Variants in ESR1 observed in about 807,000 individuals in gnomAD.
ESR1 encodes estrogen receptor 1.
A neutral mutation model predicts 52.7 loss-of-function variants in ESR1; 12 were observed. That is an observed-to-expected ratio of 0.23 (90% CI 0.15 to 0.37). The LOEUF is 0.37. ESR1 is among the 10% of genes least tolerant of loss of function. The probability of loss-of-function intolerance (pLI) is 1.00; values close to 1 mark genes in which losing one functional copy is unlikely to be tolerated. For missense variants in ESR1, 584 were observed against 779.7 expected (o/e 0.75, Z 2.99); for synonymous variants, 305 against 316.8 (o/e 0.96, Z 0.39).
At chr6:151,920,726 G>A (rs557179958) in intron 3 of ESR1, among the ~76,000 whole-genome samples, 1 of 152,108 alleles carries the variant, frequency 6.6e-6, no homozygotes, top group African/African-American at 2.4e-5. Flanking sequence ...GTGTTTTGGG[G>A]AGGAAGACCA....
At chr6:151,776,921 G>A (rs574050143) in intron 2 of ESR1, among the ~76,000 whole-genome samples, 2 of 151,796 alleles carry the variant, frequency 1.3e-5, no homozygotes, top group African/African-American at 4.8e-5. Context: ...TTTATAGGGA[G>A]ATATACGTGA....
chr6:151,716,773 G>T (rs1039406278), intron 2 of ESR1, among the ~76,000 whole-genome samples: 4 of 152,182 alleles, frequency 2.6e-5, no homozygotes. Context: ...TGGGCTCTGT[G>T]GGGGTGGGAT....
intron 5 of ESR1, among the ~76,000 whole-genome samples, 177 bp downstream of exon 5, chr6:152,011,971 T>C (rs1275075548): frequency 6.6e-6 from 1 of 150,960 alleles, no homozygotes; most frequent in Non-Finnish European, 1.5e-5. Flanking sequence ...AAGCTAAGGA[T>C]AACTTTCTGC....
intron 1 of ESR1, among the ~76,000 whole-genome samples, chr6:151,819,776 G>C (rs934504474): frequency 6.6e-6 from 1 of 152,192 alleles, no homozygotes; most frequent in Non-Finnish European, 1.5e-5. Flanking sequence ...ACCATCCCCA[G>C]TTCCATCTGT....
chr6:151,764,351 G>T (rs960163108), intron 2 of ESR1, among the ~76,000 whole-genome samples: 2 of 152,128 alleles, frequency 1.3e-5, no homozygotes, highest in Admixed American at 6.5e-5. Flanking sequence ...GGGGAGATAG[G>T]ATTTTTATGT....
In ESR1 at chr6:151,917,946, CAT is replaced by C. The variant is rs757250487; in HGVS notation, c.761-26224_761-26223del. Among the ~76,000 whole-genome samples, 10 of 152,316 alleles carry C rather than the reference CAT, an allele frequency of 6.6e-5. No individual in the cohort carries two copies. The East Asian group carries it at 1.2e-3, about 18-fold the overall frequency. ...GAAGAATTAATTTGAAAAATAATAA[CAT>C]ATTTTAAAATGAATTGTAAATATAA... On this transcript the variant is annotated intron_variant, in intron 3 of 7. Transcript: ENST00000206249.
chr6:151,871,032 G>A (rs941130933), intron 2 of ESR1, among the ~76,000 whole-genome samples: 8 of 151,792 alleles, frequency 5.3e-5, no homozygotes, highest in Non-Finnish European at 1.0e-4. Context: ...AAAAACTTTT[G>A]TAGAGCTGGG....
chr6:151,710,318 G>T (rs937817465), intron 2 of ESR1, among the ~76,000 whole-genome samples: 2 of 151,326 alleles, frequency 1.3e-5, no homozygotes, highest in Non-Finnish European at 2.9e-5. Flanking sequence ...AAGATACGTG[G>T]ATTACATTTT....
chr6:151,716,546 A>G (rs1289751691), intron 2 of ESR1, among the ~76,000 whole-genome samples: 1 of 152,218 alleles, frequency 6.6e-6, no homozygotes, highest in Non-Finnish European at 1.5e-5. Context: ...GCAGGAATCT[A>G]GAGAGACAGT....
At chr6:151,900,852 G>C (rs1188440238) in intron 3 of ESR1, among the ~76,000 whole-genome samples, 1 of 152,238 alleles carries the variant, frequency 6.6e-6, no homozygotes, top group African/African-American at 2.4e-5. Flanking sequence ...GGTGGCAGGG[G>C]AGTGAAATGG....
chr6:151,767,331 G>A (rs1373958229), intron 2 of ESR1, among the ~76,000 whole-genome samples: 1 of 152,112 alleles, frequency 6.6e-6, no homozygotes, highest in Admixed American at 6.5e-5. Context: ...TTTCTCTCAT[G>A]CAAATTCTAT....
chr6:151,969,235 C>A (rs1156873467), intron 4 of ESR1, among the ~76,000 whole-genome samples: 1 of 152,058 alleles, frequency 6.6e-6, no homozygotes, highest in East Asian at 1.9e-4. Flanking sequence ...TGTTTCCTAC[C>A]ATTGGTTTAT....
intron 4 of ESR1, among the ~76,000 whole-genome samples, chr6:151,980,177 T>C (rs565107758): frequency 6.6e-6 from 1 of 152,350 alleles, no homozygotes; most frequent in South Asian, 2.1e-4. Context: ...TGTTGCTTGC[T>C]AATTTTACCA....
chr6:151,665,959 C>T (rs1777808251), intron 1 of ESR1, among the ~76,000 whole-genome samples: 1 of 152,114 alleles, frequency 6.6e-6, no homozygotes, highest in South Asian at 2.1e-4. Flanking sequence ...TTACATTTTA[C>T]TTGGGCAGGG....
At chr6:152,006,314 A>G (rs186800185) in intron 4 of ESR1, among the ~76,000 whole-genome samples, 96 of 152,100 alleles carry the variant, frequency 6.3e-4, no homozygotes, top group African/African-American at 2.0e-3. Context: ...GTTATCGAAG[A>G]TATCTTAAAG....
chr6:151,751,893 T>G (rs1368302058), intron 2 of ESR1, among the ~76,000 whole-genome samples: 1 of 152,196 alleles, frequency 6.6e-6, no homozygotes. Flanking sequence ...AACAACATAT[T>G]CTAACAGGAA....
At chr6:152,058,601 G>A (rs908432677) in intron 5 of ESR1, among the ~76,000 whole-genome samples, 1 of 152,124 alleles carries the variant, frequency 6.6e-6, no homozygotes, top group African/African-American at 2.4e-5. Flanking sequence ...ATTGAGATGG[G>A]TTGAATCTGG....
chr6:151,838,623 C>T lies in ESR1; in HGVS notation c.453-3974C>T, dbSNP rs78261822. On this transcript the variant is annotated intron_variant, in intron 1 of 7. Coordinates refer to ENST00000206249, the MANE Select transcript of ESR1 (RefSeq NM_000125.4). ...AGGGTCTTGGAGCCCAGAGGAAGAC[C>T]GCTCTTGCCTTTTAGTTTATATTCT... 1.4e-4 allele frequency among the ~76,000 whole-genome samples: 21 copies of T among 152,206 alleles called. No homozygotes were observed. The South Asian group carries it at 1.7e-3, about 12-fold the overall frequency.
At chr6:152,079,356 G>A (rs1332446293) in intron 6 of ESR1, among the ~76,000 whole-genome samples, 1 of 152,166 alleles carries the variant, frequency 6.6e-6, no homozygotes, top group Non-Finnish European at 1.5e-5. Flanking sequence ...AGGGTCTGGG[G>A]TGGACCTCCA....
Sources: gnomAD v4.1 joint callset for allele counts (sites outside exome capture counted in the v4.1 genomes callset) on GRCh38, gnomAD v4.1.1 for gene constraint, MANE v1.5 for transcripts, NCBI Gene and HGNC (gene_info 2026-07-23, HGNC 2026-07-21) for gene names.